The following F12 variants were observed in gnomAD, a reference collection of about 807,000 sequenced individuals.
The protein encoded by F12 is Hageman factor.
A neutral mutation model predicts 74.8 loss-of-function variants in F12; 70 were observed. The ratio of observed to expected loss-of-function variants is 0.94; its 90% CI spans 0.77 to 1.14. The LOEUF is 1.14. Among genes scored for constraint, F12 ranks in the 50% most tolerant of loss-of-function variants. The pLI is 0.00. For missense variants in F12, 811 were observed against 835.7 expected (o/e 0.97, Z 0.36); for synonymous variants, 373 against 356.4 (o/e 1.05, Z -0.52).
chr5:177,408,805 C>A (rs545553861), intron 2 of F12, among the ~76,000 whole-genome samples: 1 of 152,322 alleles, frequency 6.6e-6, no homozygotes, highest in South Asian at 2.1e-4. Context: ...TGGCAGGAGC[C>A]CAGGTGTGAT....
In F12 at chr5:177,405,191, G is replaced by C. The variant is rs779052267; in HGVS notation, c.398-6C>G. The C allele has an allele frequency of 2.5e-6, 4 of 1,613,698 alleles. No homozygotes were observed. The Admixed American group carries it at 6.7e-5, about 27-fold the overall frequency. On this transcript the variant is annotated splice_polypyrimidine_tract_variant and splice_region_variant and intron_variant, in intron 5 of 13. Coordinates refer to ENST00000253496, the MANE Select transcript of F12 (RefSeq NM_000505.4). ...CTGAGGCTCAAAGCACTTCTCTGGG[G>C]ACAAAGAGGGATAGTGGTCTCAGGA...
At chr5:177,409,338 G>T (rs1252930019) in intron 1 of F12, 133 bp downstream of exon 1, 19 of 1,132,732 alleles carry the variant, frequency 1.7e-5, no homozygotes, top group Non-Finnish European at 2.5e-5. Flanking sequence ...GGCCTTCCGG[G>T]CTGGCCTCAC....
At chr5:177,402,858 A>G in intron 12 of F12, 160 bp from the exon 13 acceptor site, 2 of 1,011,246 alleles carry the variant, frequency 2.0e-6, no homozygotes, top group South Asian at 1.4e-5. Flanking sequence ...TTCATAGGCA[A>G]GGAGGCTGAG....
In F12 at chr5:177,405,053, C is replaced by T; in HGVS notation, c.529+1G>A. On this transcript the variant is annotated splice_donor_variant, in intron 6 of 13. Transcript: ENST00000253496. LOFTEE classifies it high-confidence loss of function. ...TGGCCCGTTCCCAACCATCTGCTCA[C>T]CCTGGCTGGCCAGCCGCTGGCAGTG... is the stretch of plus-strand genomic sequence containing the variant. 1 of 1,612,076 alleles carries T rather than the reference C, an allele frequency of 6.2e-7. No homozygotes were observed. The highest frequency in any genetic ancestry group is 1.6e-4 in the Middle Eastern group (1 of 6,062).
chr5:177,402,888 T>C, intron 12 of F12, 190 bp from the exon 13 acceptor site: 1 of 822,870 alleles, frequency 1.2e-6, no homozygotes, highest in Non-Finnish European at 1.9e-6. Context: ...AAAGCCAGGA[T>C]TTGAATGGGC....
chr5:177,402,982 G>A (rs1477091789), intron 12 of F12: 4 of 666,602 alleles, frequency 6.0e-6, no homozygotes, highest in Non-Finnish European at 1.0e-5. Flanking sequence ...CGCGGGGCCA[G>A]CGTCCTAGTT....
chr5:177,408,158 C>A (rs41309134), intron 2 of F12, among the ~76,000 whole-genome samples: 1 of 151,924 alleles, frequency 6.6e-6, no homozygotes, highest in African/African-American at 2.4e-5. Context: ...CAGGTTCAAG[C>A]AATTCTTCTG....
At position 177,404,864 on chromosome 5, in the gene F12, C is replaced by T; in HGVS notation, c.580G>A (p.Gly194Ser). ...ACCGGGCAGTGGCACAGGCGGTGGC[C>T]CTCCACCTCTAGGCAGCGACCCCCA... ...LHGGRCLEVEGHRLCHCPVGY... is the reference protein window; with the variant it reads ...LHGGRCLEVESHRLCHCPVGY... Residue 194 changes from glycine (G) to serine (S), a missense_variant, in exon 7 of 14, where the codon GGC (glycine) becomes AGC (serine). Transcript: ENST00000253496. 6.2e-7 allele frequency: 1 copy of T among 1,609,842 alleles called. No homozygotes were observed. Among genetic ancestry groups the T allele is most frequent in the Non-Finnish European group, 8.5e-7 (1 of 1,179,080 alleles).
chr5:177,405,918 CAT>C (rs773838984), intron 3 of F12, 42 bp downstream of exon 3: 62 of 1,603,426 alleles, frequency 3.9e-5, no homozygotes, highest in South Asian at 1.2e-4. Context: ...AGGCAGGGTA[CAT>C]GTCTCCCAGG....
Position 177,405,052 on chromosome 5 carries a change from A to T in F12, c.529+2T>A. The T allele has an allele frequency of 6.2e-7, 1 of 1,611,130 alleles. No individual in the cohort carries two copies. Among genetic ancestry groups the T allele is most frequent in the South Asian group, 1.1e-5 (1 of 90,968 alleles). Reference sequence around the variant, plus strand: ...CTGGCCCGTTCCCAACCATCTGCTCACCCTGGCTGGCCAGCCGCTGGCAGT... The same window carrying T: ...CTGGCCCGTTCCCAACCATCTGCTCTCCCTGGCTGGCCAGCCGCTGGCAGT... On this transcript the variant is annotated splice_donor_variant, in intron 6 of 13. Transcript: ENST00000253496. LOFTEE classifies it high-confidence loss of function.
chr5:177,407,865 A>G (rs1763326911), intron 2 of F12, among the ~76,000 whole-genome samples: 2 of 151,726 alleles, frequency 1.3e-5, no homozygotes, highest in South Asian at 4.1e-4. Flanking sequence ...AGGATAGGGC[A>G]CCAAGTTTGG....
In F12 at chr5:177,404,863, C is replaced by G. The variant is rs550385500; in HGVS notation, c.581G>C (p.Gly194Ala). The change falls in exon 7 of 14, where the codon GGC (glycine) becomes GCC (alanine). Residue 194 changes from glycine (G) to alanine (A), a missense_variant. Gly to Ala is a moderately conservative substitution (Grantham distance 60). Coordinates refer to ENST00000253496, the MANE Select transcript of F12 (RefSeq NM_000505.4). ...LHGGRCLEVEGHRLCHCPVGY... is the reference protein window; with the variant it reads ...LHGGRCLEVEAHRLCHCPVGY... ...CACCGGGCAGTGGCACAGGCGGTGG[C>G]CCTCCACCTCTAGGCAGCGACCCCC... 1.9e-6 allele frequency: 3 copies of G among 1,609,590 alleles called. No individual in the cohort carries two copies. In the East Asian group the frequency reaches 6.7e-5, roughly 36 times the overall value.
chr5:177,403,829 T>C (rs1445029137), intron 10 of F12, 30 bp downstream of exon 10: 1 of 1,487,998 alleles, frequency 6.7e-7, no homozygotes, highest in Non-Finnish European at 8.9e-7. Context: ...CCGCGGCCCC[T>C]GGGGCGGCTC....
intron 12 of F12, 75 bp from the exon 13 acceptor site, chr5:177,402,773 A>G (rs1763172607): frequency 1.3e-6 from 2 of 1,577,718 alleles, no homozygotes. Flanking sequence ...AAGCTGCTCC[A>G]GGCGCTTGTA....
rs1016812797 is a variant in F12, at chr5:177,408,996, A to C, written c.115+50T>G. 15 of 1,533,570 alleles carry C rather than the reference A, an allele frequency of 9.8e-6. No homozygotes were observed. The Admixed American group carries it at 2.2e-4, about 22-fold the overall frequency. 95.0% of individuals were successfully genotyped at this position (1,533,570 alleles called of 1,614,324 possible). ...GCCCTGAGACTGCACACACTGCACC[A>C]TACACATCCCCACCCAAGGGTTCCC... On this transcript the variant is annotated intron_variant, in intron 2 of 13. Coordinates refer to ENST00000253496, the MANE Select transcript of F12 (RefSeq NM_000505.4).
At chr5:177,405,575 A>G in intron 4 of F12, 142 bp from the exon 5 acceptor site, 1 of 1,180,744 alleles carries the variant, frequency 8.5e-7, no homozygotes, top group Non-Finnish European at 1.2e-6. Context: ...AAATGGGACC[A>G]CTCCTTCCCA....
rs1763150992 is a variant in F12, at chr5:177,402,287, A to G, written c.*5T>C. ...CCAAGGAGGGAAAGATGAGTCCCTG[A>G]GCAATCAGGAAACGGTGTGCTCCCG... is the stretch of plus-strand genomic sequence containing the variant. On this transcript the variant is annotated 3_prime_UTR_variant, in exon 14 of 14. Transcript: ENST00000253496. The G allele has an allele frequency of 1.2e-6, 2 of 1,613,468 alleles. No homozygotes were observed. The highest frequency in any genetic ancestry group is 1.7e-6 in the Non-Finnish European group (2 of 1,179,928).
In F12 at chr5:177,403,527, G is replaced by A. The variant is rs1477415470; in HGVS notation, c.1341C>T (p.Tyr447=). The A allele has an allele frequency of 6.3e-7, 1 of 1,588,380 alleles. No individual in the cohort carries two copies. The highest frequency in any genetic ancestry group is 8.5e-7 in the Non-Finnish European group (1 of 1,170,810). ...CGGGCGAGAAGGCCTCGTGCAAGCG[G>A]TAGGAGCGCACGGCCAACGTCTGGC... ...EPCQTLAVRS[Y]RLHEAFSPVS... The change falls in exon 11 of 14, where the codon TAC becomes TAT. Residue 447 remains tyrosine, a synonymous_variant. Transcript: ENST00000253496.
rs908286818 is a variant in F12 at position 177,402,604 on chromosome 5, G to C, written c.1626C>G (p.Ile542Met). 3.7e-6 allele frequency: 6 copies of C among 1,613,088 alleles called. No homozygotes were observed. The highest frequency in any genetic ancestry group is 5.1e-6 in the Non-Finnish European group (6 of 1,179,984). The part of the protein sequence containing the change: ...CSAPDVHGSS[I>M]LPGMLCAGFL... ...ACCCTGCGCAGAGCATGCCGGGGAG[G>C]ATGGAGGATCCGTGCACGTCCGGGG... The change falls in exon 13 of 14, where the codon ATC becomes ATG. Residue 542 changes from isoleucine to methionine, a missense_variant. Coordinates refer to ENST00000253496, the MANE Select transcript of F12 (RefSeq NM_000505.4).
Sources: allele counts gnomAD v4.1 joint callset (sites outside exome capture counted in the v4.1 genomes callset), GRCh38; gene constraint gnomAD v4.1.1; transcripts MANE v1.5; gene names NCBI Gene and HGNC (gene_info 2026-07-23, HGNC 2026-07-21).